LRR1: variants seen among roughly 807,000 people sequenced by gnomAD.
LRR1 encodes leucine rich repeat protein 1.
Under a neutral mutation model 31.6 loss-of-function variants are expected in LRR1, and 29 were observed. That is an observed-to-expected ratio of 0.92 (90% CI 0.68 to 1.25). The LOEUF (loss-of-function observed/expected upper bound fraction) is 1.25, where lower values mean the gene tolerates loss of function less well. LRR1 is among the 50% of genes most tolerant of loss of function. The probability of loss-of-function intolerance (pLI) is 0.00; values close to 1 mark genes in which losing one functional copy is unlikely to be tolerated. For missense variants in LRR1, 485 were observed against 487.2 expected (o/e 1.00, Z 0.04); for synonymous variants, 179 against 181.4 (o/e 0.99, Z 0.10).
At chr14:49,601,077 C>T in intron 1 of LRR1, 11 of 1,611,416 alleles carry the variant, frequency 6.8e-6, no homozygotes, top group Non-Finnish European at 9.3e-6. Flanking sequence ...CAAGGCCAGC[C>T]ACGTAGCCAA....
chr14:49,604,898 T>G (rs972130725), intron 2 of LRR1, among the ~76,000 whole-genome samples: 2 of 147,630 alleles, frequency 1.4e-5, no homozygotes, highest in Non-Finnish European at 3.0e-5. Flanking sequence ...TCAACCTTGC[T>G]TTTTTTTTCT....
intron 2 of LRR1, among the ~76,000 whole-genome samples, chr14:49,605,902 C>T (rs1404914037): frequency 3.9e-5 from 6 of 152,136 alleles, no homozygotes; most frequent in African/African-American, 1.4e-4. Context: ...TGTCATGTAA[C>T]TTTCATACTT....
chr14:49,607,730 C>G lies in LRR1; in HGVS notation c.613C>G (p.Leu205Val). ...TIGDLIHLQE[L>V]NLNDNHLESF... ...TGGAGACCTCATACACCTTCAAGAACTTAACCTGAATGACAATCACTTGGA... is the reference window on the plus strand; with the variant it reads ...TGGAGACCTCATACACCTTCAAGAAGTTAACCTGAATGACAATCACTTGGA... The change falls in exon 3 of 4, where the codon CTT becomes GTT. Residue 205 changes from leucine to valine, a missense_variant. By Grantham distance (32) the Leu-to-Val change is conservative. This residue lies in a region of LRR1 where 260 missense variants were observed against 249.6 expected (regional missense o/e 1.04). Transcript: ENST00000298288. 6.2e-7 allele frequency: 1 copy of G among 1,612,612 alleles called. No homozygotes were observed. The highest frequency in any genetic ancestry group is 2.2e-5 in the East Asian group (1 of 44,856).
chr14:49,602,345 T>C, intron 1 of LRR1, 25 bp from the exon 2 acceptor site: 18 of 1,571,736 alleles, frequency 1.1e-5, no homozygotes, highest in Non-Finnish European at 1.6e-5. Context: ...AGTTTTCTTC[T>C]TTTTTTTCTA....
rs183989769 is a variant in LRR1 at position 49,606,726 on chromosome 14, G to A, written c.283-674G>A. Among the ~76,000 whole-genome samples, 1,463 of 149,316 alleles carry A rather than the reference G, an allele frequency of 9.8e-3. 21 individuals are homozygous for A. The highest frequency in any genetic ancestry group is 0.034 in the African/African-American group (1,393 of 40,424). ...GCCTGGAGTGCAGTGGCACAATCTC[G>A]GCTCACTGCAACCTCCGCCTCCCGG... On this transcript the variant is annotated intron_variant, in intron 2 of 3. Transcript: ENST00000298288.
At chr14:49,601,768 C>T in intron 1 of LRR1, 1 of 848,630 alleles carries the variant, frequency 1.2e-6, no homozygotes, top group Non-Finnish European at 1.7e-6. Flanking sequence ...ACAGACAGAG[C>T]AGTAACATCC....
At chr14:49,600,150 G>A (rs1463428944) in intron 1 of LRR1, 1 of 1,521,990 alleles carries the variant, frequency 6.6e-7, no homozygotes, top group Non-Finnish European at 9.1e-7. Context: ...CGTCACCGTG[G>A]GGGGCAAGCA....
At chr14:49,606,034 T>C (rs1470445102) in intron 2 of LRR1, among the ~76,000 whole-genome samples, 1 of 137,436 alleles carries the variant, frequency 7.3e-6, no homozygotes, top group African/African-American at 3.0e-5. Context: ...TTTTTTTTTC[T>C]TTTTTTTTTT....
chr14:49,602,266 C>A, intron 1 of LRR1, 104 bp from the exon 2 acceptor site: 1 of 957,212 alleles, frequency 1.0e-6, no homozygotes, highest in Non-Finnish European at 1.5e-6. Context: ...GGACTAAAAG[C>A]CAAACCAAAG....
At chr14:49,611,104 T>A (rs1026134542) in intron 3 of LRR1, among the ~76,000 whole-genome samples, 24 of 152,090 alleles carry the variant, frequency 1.6e-4, no homozygotes, top group African/African-American at 5.8e-4. Flanking sequence ...CTCCTTGCCA[T>A]CCCCAATGTA....
intron 2 of LRR1, among the ~76,000 whole-genome samples, chr14:49,606,381 C>T (rs1013641790): frequency 2.0e-5 from 3 of 152,072 alleles, no homozygotes; most frequent in African/African-American, 7.2e-5. Flanking sequence ...TTGTGTCGCC[C>T]AGGCTGGAGT....
chr14:49,601,816 T>C (rs1482501303), intron 1 of LRR1, among the ~76,000 whole-genome samples: 1 of 90,746 alleles, frequency 1.1e-5, no homozygotes, highest in Admixed American at 1.2e-4. Context: ...TCCCAACTGC[T>C]AAAAAAAAAA....
Position 49,608,899 on chromosome 14 carries a change from CTTTTTTTTTTTTTTT to C in LRR1, c.1004+791_1004+805del, listed in dbSNP as rs34457930. ...TCACCACTTTGTATGACTTTAACCTCTTTTTTTTTTTTTTTTTTTTTTTTTTTGAGATGGAGTCTC... is the reference window on the plus strand; with the variant it reads ...TCACCACTTTGTATGACTTTAACCTCTTTTTTTTTTTTGAGATGGAGTCTC... On this transcript the variant is annotated intron_variant, in intron 3 of 3. Coordinates refer to ENST00000298288, the MANE Select transcript of LRR1 (RefSeq NM_152329.4). Among the ~76,000 whole-genome samples the C allele has an allele frequency of 2.9e-4, 21 of 71,602 alleles. No homozygotes were observed. In the East Asian group the frequency reaches 4.4e-3, roughly 15 times the overall value. 47.0% of individuals were successfully genotyped at this position (71,602 alleles called of 152,430 possible).
intron 2 of LRR1, among the ~76,000 whole-genome samples, chr14:49,606,032 T>C (rs76121775): frequency 2.8e-4 from 40 of 142,136 alleles, no homozygotes; most frequent in African/African-American, 6.3e-4. Flanking sequence ...TTTTTTTTTT[T>C]CTTTTTTTTT....
At position 49,607,677 on chromosome 14, in the gene LRR1, A is replaced by G. The variant is rs1405899923; in HGVS notation, c.560A>G (p.Asn187Ser). 9 of 1,611,274 alleles carry G rather than the reference A, an allele frequency of 5.6e-6. No individual in the cohort carries two copies. The highest frequency in any genetic ancestry group is 1.3e-5 in the African/African-American group (1 of 74,502). Residue 187 changes from asparagine to serine, a missense_variant, in exon 3 of 4, where the codon AAC (asparagine) becomes AGC (serine). By Grantham distance (46) the Asn-to-Ser change is conservative (BLOSUM62 1). This residue lies in a region of LRR1 where 260 missense variants were observed against 249.6 expected (regional missense o/e 1.04). Transcript: ENST00000298288. ...KSLRKLDLSH[N>S]HIKKLPATIG... is the part of the protein sequence containing the mutation. ...CTTAGGAAATTAGACTTGAGTCACA[A>G]CCATATAAAAAAGCTTCCAGCTACA...
At chr14:49,604,831 TG>T (rs1461278366) in intron 2 of LRR1, among the ~76,000 whole-genome samples, 1 of 152,020 alleles carries the variant, frequency 6.6e-6, no homozygotes, top group Non-Finnish European at 1.5e-5. Flanking sequence ...TTCTGCCTTC[TG>T]CCCTCTGCCC....
chr14:49,599,311 C>T, intron 1 of LRR1, 108 bp downstream of exon 1: 1 of 1,294,968 alleles, frequency 7.7e-7, no homozygotes, highest in East Asian at 2.6e-5. Flanking sequence ...GAAAGCCCGC[C>T]TTGGGGGTTC....
chr14:49,607,597 G>A lies in LRR1; in HGVS notation c.480G>A (p.Gln160=). ...TTCCATATTCCTTGGAACATCTTCA[G>A]ACTTCTTACTGTGGGCTTGTCCGAG... ...KNFPYSLEHL[Q]TSYCGLVRVD... Residue 160 remains glutamine (Q), a synonymous_variant, in exon 3 of 4, where the codon CAG becomes CAA. Transcript: ENST00000298288. 6.2e-7 allele frequency: 1 copy of A among 1,614,178 alleles called. No individual in the cohort carries two copies. Among genetic ancestry groups the A allele is most frequent in the African/African-American group, 1.3e-5 (1 of 75,058 alleles).
chr14:49,608,461 A>G (rs554930388), intron 3 of LRR1, among the ~76,000 whole-genome samples: 1 of 40,922 alleles, frequency 2.4e-5, no homozygotes, highest in East Asian at 8.1e-4. Flanking sequence ...CATAGGACTC[A>G]TTGCCTGTTA....
Sources: allele counts gnomAD v4.1 joint callset (sites outside exome capture counted in the v4.1 genomes callset), GRCh38; gene constraint gnomAD v4.1.1; regional missense constraint gnomAD v4.1.1; transcripts MANE v1.5; gene names NCBI Gene and HGNC (gene_info 2026-07-23, HGNC 2026-07-21).